Variants in KCNAB1 observed in about 807,000 individuals in gnomAD.
The protein encoded by KCNAB1 is voltage-gated potassium channel subunit beta-1.
KCNAB1 carries 35 observed loss-of-function variants against 64.6 expected under a neutral mutation model. The observed-to-expected ratio is 0.54, with a 90% confidence interval of 0.41 to 0.72. The LOEUF is 0.72. Ranked by LOEUF, KCNAB1 falls within the 30% of genes least tolerant of loss-of-function variation. The pLI is 0.00. For synonymous variants in KCNAB1, 177 were observed against 183.8 expected, an observed-to-expected ratio of 0.96 and a Z score of 0.30; for missense variants, 401 against 512.9, an observed-to-expected ratio of 0.78 and a Z score of 2.11.
At chr3:156,402,456 G>A (rs1208575335) in intron 1 of KCNAB1, among the ~76,000 whole-genome samples, 1 of 152,074 alleles carries the variant, frequency 6.6e-6, no homozygotes, top group African/African-American at 2.4e-5. Context: ...TCATCAAACT[G>A]CCCAGAGCTA....
At chr3:156,438,903 A>G (rs1281436239) in intron 2 of KCNAB1, among the ~76,000 whole-genome samples, 1 of 152,088 alleles carries the variant, frequency 6.6e-6, no homozygotes, top group African/African-American at 2.4e-5. Context: ...AGTTCCAGCT[A>G]CTCAGGAGGC....
intron 1 of KCNAB1, among the ~76,000 whole-genome samples, chr3:156,307,294 T>G (rs1721556596): frequency 6.6e-6 from 1 of 152,016 alleles, no homozygotes; most frequent in Non-Finnish European, 1.5e-5. Flanking sequence ...GAGACTATAC[T>G]GATTTGATTT....
chr3:156,404,014 C>T (rs530700591), intron 1 of KCNAB1, among the ~76,000 whole-genome samples: 2 of 152,180 alleles, frequency 1.3e-5, no homozygotes, highest in East Asian at 3.9e-4. Flanking sequence ...GACCAAAATT[C>T]ACCTACCTTA....
chr3:156,349,023 C>T (rs1724687867), intron 1 of KCNAB1, among the ~76,000 whole-genome samples: 1 of 152,224 alleles, frequency 6.6e-6, no homozygotes, highest in African/African-American at 2.4e-5. Context: ...ACGCAAGAAA[C>T]ATCCTGGTGT....
At chr3:156,518,056 A>C (rs1453207619) in intron 11 of KCNAB1, among the ~76,000 whole-genome samples, 2 of 152,244 alleles carry the variant, frequency 1.3e-5, no homozygotes, top group African/African-American at 4.8e-5. Flanking sequence ...CTGTTTGAGA[A>C]AAGCTTGCAA....
At position 156,372,481 on chromosome 3, in the gene KCNAB1, T is replaced by C. The variant is rs945070024; in HGVS notation, c.276-49135T>C. On this transcript the variant is annotated intron_variant, in intron 1 of 13. Transcript: ENST00000490337. ...CTGGGCCCCACCCTGGAGATTCTGA[T>C]TCAATAGGTCTAGTGTGGACTGTAG... Among the ~76,000 whole-genome samples the C allele has an allele frequency of 2.6e-5, 4 of 152,230 alleles. No individual in the cohort carries two copies. The East Asian group carries it at 7.7e-4, about 29-fold the overall frequency.
At chr3:156,463,433 A>G (rs933976331) in intron 5 of KCNAB1, among the ~76,000 whole-genome samples, 4 of 152,028 alleles carry the variant, frequency 2.6e-5, no homozygotes, top group African/African-American at 9.7e-5. Flanking sequence ...TCAGTTCCCA[A>G]TCTGACTTGT....
At chr3:156,240,649 G>A (rs1039257) in intron 1 of KCNAB1, among the ~76,000 whole-genome samples, 2,360 of 152,158 alleles carry the variant, frequency 0.016, 62 homozygotes, top group African/African-American at 0.054. Flanking sequence ...CATCCTATCC[G>A]CTTCTCCTCA....
upstream of KCNAB1, among the ~76,000 whole-genome samples, chr3:156,119,298 T>G (rs28555456): frequency 0.062 from 9,444 of 152,248 alleles, 1,006 homozygotes; most frequent in African/African-American, 0.22. Flanking sequence ...CCAAGCCATG[T>G]GACCGAGGTG....
intron 1 of KCNAB1, among the ~76,000 whole-genome samples, chr3:156,233,413 G>T (rs1474997585): frequency 1.3e-5 from 2 of 152,132 alleles, no homozygotes; most frequent in Non-Finnish European, 2.9e-5. Flanking sequence ...TTTGGAAACA[G>T]GAGTGTGTCC....
At chr3:156,285,472 C>A (rs1212314062) in intron 1 of KCNAB1, among the ~76,000 whole-genome samples, 1 of 151,498 alleles carries the variant, frequency 6.6e-6, no homozygotes, top group Non-Finnish European at 1.5e-5. Context: ...CATGAAGAGG[C>A]CTGAACAAAA....
At chr3:156,175,433 A>G (rs1712291509) in intron 1 of KCNAB1, among the ~76,000 whole-genome samples, 1 of 152,204 alleles carries the variant, frequency 6.6e-6, no homozygotes, top group Non-Finnish European at 1.5e-5. Flanking sequence ...ATCCTGGCTA[A>G]CACAGTGAAA....
intron 1 of KCNAB1, among the ~76,000 whole-genome samples, chr3:156,277,276 T>C (rs1403592211): frequency 1.3e-5 from 2 of 152,140 alleles, no homozygotes; most frequent in South Asian, 2.1e-4. Context: ...AGATCACTGA[T>C]GATAGATCAC....
chr3:156,265,777 G>A (rs1359766415), intron 1 of KCNAB1, among the ~76,000 whole-genome samples: 1 of 152,060 alleles, frequency 6.6e-6, no homozygotes, highest in Admixed American at 6.6e-5. Context: ...GGCGGATCAC[G>A]AGGTCAGGAG....
chr3:156,160,473 C>T (rs550499993), intron 1 of KCNAB1, among the ~76,000 whole-genome samples: 2 of 152,282 alleles, frequency 1.3e-5, no homozygotes, highest in South Asian at 4.1e-4. Context: ...GCTCTCACCC[C>T]ACCCCTCAAC....
intron 8 of KCNAB1, among the ~76,000 whole-genome samples, chr3:156,494,245 T>C (rs1392652091): frequency 6.6e-6 from 1 of 152,160 alleles, no homozygotes; most frequent in African/African-American, 2.4e-5. Context: ...TATGAACTCA[T>C]AGATTCTGAT....
At chr3:156,428,402 C>T (rs1715970104) in intron 2 of KCNAB1, among the ~76,000 whole-genome samples, 1 of 151,606 alleles carries the variant, frequency 6.6e-6, no homozygotes, top group Non-Finnish European at 1.5e-5. Flanking sequence ...ACCATTAACT[C>T]CTTTGAGTCT....
chr3:156,244,052 A>G (rs1717318908), intron 1 of KCNAB1, among the ~76,000 whole-genome samples: 1 of 152,184 alleles, frequency 6.6e-6, no homozygotes, highest in African/African-American at 2.4e-5. Context: ...CTCCATCCAC[A>G]CCCATGCTTT....
At chr3:156,303,266 A>G (rs1189423553) in intron 1 of KCNAB1, among the ~76,000 whole-genome samples, 9 of 152,188 alleles carry the variant, frequency 5.9e-5, no homozygotes, top group Admixed American at 6.5e-5. Flanking sequence ...TTAAGTCTAT[A>G]TACTCTCTCT....
Sources: allele counts gnomAD v4.1 joint callset (sites outside exome capture counted in the v4.1 genomes callset), GRCh38; gene constraint gnomAD v4.1.1; transcripts MANE v1.5; gene names NCBI Gene and HGNC (gene_info 2026-07-23, HGNC 2026-07-21).